Variants in MAP4K4 observed in about 807,000 individuals in gnomAD.
The protein encoded by MAP4K4 is HPK/GCK-like kinase HGK.
A neutral mutation model predicts 189.6 loss-of-function variants in MAP4K4; 38 were observed. The observed-to-expected ratio is 0.20, with a 90% CI of 0.15 to 0.26. MAP4K4 has a LOEUF of 0.26. Among genes scored for constraint, MAP4K4 ranks in the 10% least tolerant of loss-of-function variants. The pLI is 1.00. For synonymous variants in MAP4K4, 610 were observed against 624.3 expected (o/e 0.98, Z 0.34); for missense variants, 1,054 against 1,726.9 (o/e 0.61, Z 6.91).
chr2:101,761,702 C>T (rs776769529), intron 2 of MAP4K4, among the ~76,000 whole-genome samples: 1 of 151,964 alleles, frequency 6.6e-6, no homozygotes, highest in Non-Finnish European at 1.5e-5. Flanking sequence ...ATTACAGGTG[C>T]ACGCCACCAC....
At chr2:101,760,432 T>C (rs2075742711) in intron 2 of MAP4K4, among the ~76,000 whole-genome samples, 2 of 147,654 alleles carry the variant, frequency 1.4e-5, no homozygotes, top group South Asian at 4.3e-4. Context: ...GAGGTTGTAG[T>C]GAGCTGAGAT....
intron 2 of MAP4K4, among the ~76,000 whole-genome samples, chr2:101,720,034 G>A (rs991960954): frequency 6.6e-6 from 1 of 151,944 alleles, no homozygotes; most frequent in Non-Finnish European, 1.5e-5. Flanking sequence ...AAAAAGGGGA[G>A]AACAGTGGAT....
At chr2:101,880,797 G>A (rs1012739634) in intron 27 of MAP4K4, among the ~76,000 whole-genome samples, 3 of 152,058 alleles carry the variant, frequency 2.0e-5, no homozygotes, top group African/African-American at 4.8e-5. Flanking sequence ...GTGAGCCACC[G>A]CGCCTGGTGT....
chr2:101,782,732 C>A (rs1300515356), intron 2 of MAP4K4, among the ~76,000 whole-genome samples: 1 of 152,112 alleles, frequency 6.6e-6, no homozygotes, highest in Non-Finnish European at 1.5e-5. Flanking sequence ...GTTTAGAAGA[C>A]CGAGATGTTT....
At chr2:101,823,974 A>T in exon 4 of MAP4K4, 1 of 1,609,068 alleles carries the variant, frequency 6.2e-7, no homozygotes, top group Non-Finnish European at 8.5e-7. Flanking sequence ...CTAAAGAAAT[A>T]CTCTCATCAC....
chr2:101,738,522 G>A (rs1037725768), intron 2 of MAP4K4, among the ~76,000 whole-genome samples: 7 of 152,148 alleles, frequency 4.6e-5, no homozygotes, highest in Admixed American at 2.6e-4. Flanking sequence ...TTTGGGAGTC[G>A]ATTTGTAGAG....
chr2:101,826,115 A>C (rs2096345647), intron 5 of MAP4K4, among the ~76,000 whole-genome samples: 1 of 152,156 alleles, frequency 6.6e-6, no homozygotes, highest in South Asian at 2.1e-4. Flanking sequence ...TTCATCCCTG[A>C]ATTACACACA....
At chr2:101,867,135 G>C (rs1443576281) in intron 19 of MAP4K4, 77 bp from the exon 20 acceptor site, 5 of 886,606 alleles carry the variant, frequency 5.6e-6, no homozygotes, top group African/African-American at 1.7e-5. Context: ...AGTGGGCGGG[G>C]TGGGCAGGGC....
At chr2:101,782,011 G>A (rs959540104) in intron 2 of MAP4K4, among the ~76,000 whole-genome samples, 1 of 152,196 alleles carries the variant, frequency 6.6e-6, no homozygotes, top group Non-Finnish European at 1.5e-5. Context: ...ACTGCCTGAC[G>A]TAATATTCCC....
chr2:101,798,615 A>G (rs1575735862), intron 3 of MAP4K4, among the ~76,000 whole-genome samples: 3 of 152,198 alleles, frequency 2.0e-5, no homozygotes, highest in African/African-American at 7.2e-5. Context: ...CCAGTTCACT[A>G]CAGGAGTATA....
At chr2:101,742,523 T>C (rs1385208930) in intron 2 of MAP4K4, among the ~76,000 whole-genome samples, 1 of 104,412 alleles carries the variant, frequency 9.6e-6, no homozygotes, top group Non-Finnish European at 2.4e-5. Context: ...TTACAATAAA[T>C]GTGTGCCAGA....
At chr2:101,830,850 C>T (rs140981335) in intron 6 of MAP4K4, among the ~76,000 whole-genome samples, 1 of 152,292 alleles carries the variant, frequency 6.6e-6, no homozygotes, top group Non-Finnish European at 1.5e-5. Context: ...TCCCTGGTTC[C>T]TGCACTGCCT....
intron 2 of MAP4K4, among the ~76,000 whole-genome samples, chr2:101,729,101 AGTGTGTGTGTGTGT>A (rs57635166): frequency 7.7e-6 from 1 of 130,504 alleles, no homozygotes; most frequent in Non-Finnish European, 1.6e-5. Context: ...AGAGAGAGAG[AGTGTGTGTGTGTGT>A]GTGTGTGTGT....
chr2:101,821,895 C>A (rs1433472141), intron 3 of MAP4K4, among the ~76,000 whole-genome samples: 1 of 151,980 alleles, frequency 6.6e-6, no homozygotes, highest in East Asian at 1.9e-4. Flanking sequence ...TCTTTTTTAA[C>A]TTTTTAAACA....
intron 2 of MAP4K4, among the ~76,000 whole-genome samples, chr2:101,727,218 A>G (rs1468418730): frequency 6.6e-6 from 1 of 152,224 alleles, no homozygotes; most frequent in Non-Finnish European, 1.5e-5. Flanking sequence ...GTTTTCTAAC[A>G]TGTTTGGATG....
intron 3 of MAP4K4, among the ~76,000 whole-genome samples, chr2:101,801,488 T>C (rs2094368203): frequency 6.6e-6 from 1 of 152,202 alleles, no homozygotes; most frequent in African/African-American, 2.4e-5. Flanking sequence ...AGAGACTCAG[T>C]GCATTGAATT....
At chr2:101,809,763 A>G (rs1203513639) in intron 3 of MAP4K4, among the ~76,000 whole-genome samples, 1 of 152,226 alleles carries the variant, frequency 6.6e-6, no homozygotes, top group Non-Finnish European at 1.5e-5. Context: ...CTGGCTGCTT[A>G]GCCTCTCTCA....
chr2:101,885,418 CTT>C (rs1406781198), intron 29 of MAP4K4, 131 bp downstream of exon 29: 5 of 547,438 alleles, frequency 9.1e-6, no homozygotes, highest in Non-Finnish European at 1.6e-5. Context: ...TAGCATATAA[CTT>C]TATCATAAAC....
intron 29 of MAP4K4, among the ~76,000 whole-genome samples, chr2:101,885,593 G>C (rs1307481775): frequency 6.6e-6 from 1 of 152,196 alleles, no homozygotes; most frequent in Admixed American, 6.5e-5. Context: ...ACCTTCACCT[G>C]AGTCATGGAA....
Sources: gnomAD v4.1 joint callset for allele counts (sites outside exome capture counted in the v4.1 genomes callset) on GRCh38, gnomAD v4.1.1 for gene constraint, MANE v1.5 for transcripts, NCBI Gene and HGNC (gene_info 2026-07-23, HGNC 2026-07-21) for gene names.